The following ARID1B variants were observed in gnomAD, a reference collection of about 807,000 sequenced individuals.
ARID1B encodes AT-rich interactive domain-containing protein 1B.
ARID1B carries 30 observed loss-of-function variants against 212.3 expected under a neutral mutation model. The ratio of observed to expected loss-of-function variants is 0.14; its 90% CI spans 0.11 to 0.19. ARID1B has a LOEUF of 0.19. ARID1B is among the 10% of genes least tolerant of loss of function. The probability of loss-of-function intolerance (pLI) is 1.00; values close to 1 mark genes in which losing one functional copy is unlikely to be tolerated. For missense variants in ARID1B, 2,891 were observed against 3,204.0 expected, an observed-to-expected ratio of 0.90 and a Z score of 2.36; for synonymous variants, 1,402 against 1,301.7, an observed-to-expected ratio of 1.08 and a Z score of -1.66.
chr6:157,056,454 C>A (rs1782960025), intron 4 of ARID1B, among the ~76,000 whole-genome samples: 1 of 152,178 alleles, frequency 6.6e-6, no homozygotes, highest in South Asian at 2.1e-4. Context: ...GCTTCTGAAC[C>A]TTTGCCATAG....
At chr6:157,057,750 A>G (rs1273333289) in intron 4 of ARID1B, among the ~76,000 whole-genome samples, 2 of 152,204 alleles carry the variant, frequency 1.3e-5, no homozygotes, top group Non-Finnish European at 2.9e-5. Flanking sequence ...AGCAAGTCTC[A>G]TTATTTTTGA....
At chr6:157,030,621 GCTGA>G (rs1320298360) in intron 4 of ARID1B, among the ~76,000 whole-genome samples, 1 of 152,218 alleles carries the variant, frequency 6.6e-6, no homozygotes, top group Admixed American at 6.5e-5. Context: ...TGACCACAGT[GCTGA>G]CTGACTTTGT....
intron 4 of ARID1B, among the ~76,000 whole-genome samples, chr6:156,947,206 T>C (rs12665190): frequency 0.046 from 6,949 of 152,234 alleles, 375 homozygotes; most frequent in East Asian, 0.25. Context: ...GTGCAGTAAA[T>C]TTCTATCCAA....
chr6:156,958,149 G>C (rs1794102894), intron 4 of ARID1B, among the ~76,000 whole-genome samples: 2 of 152,168 alleles, frequency 1.3e-5, no homozygotes, highest in African/African-American at 4.8e-5. Flanking sequence ...TCTACCATTT[G>C]TAGTCCAATC....
intron 5 of ARID1B, among the ~76,000 whole-genome samples, chr6:157,102,445 A>G (rs1786113827): frequency 6.6e-6 from 1 of 152,176 alleles, no homozygotes; most frequent in Non-Finnish European, 1.5e-5. Context: ...ATTCTTACAT[A>G]TAGATAGGAG....
chr6:157,193,645 C>T (rs141200513), intron 15 of ARID1B: 2 of 152,250 alleles, frequency 1.3e-5, no homozygotes, highest in Admixed American at 6.5e-5. Flanking sequence ...GCTGCAGCCT[C>T]CTCCATGGGG....
intron 9 of ARID1B, chr6:157,168,940 T>A (rs1233627109): frequency 1.3e-5 from 2 of 152,236 alleles, no homozygotes; most frequent in Non-Finnish European, 2.9e-5. Context: ...TTATCCCACC[T>A]TGATTAAGTG....
Position 156,935,563 on chromosome 6 carries a change from C to A in ARID1B, c.2234C>A (p.Pro745Gln), listed in dbSNP as rs2128275194. Reference protein sequence around the residue: ...EDLNLIQQERPSSLPDLSGSI... With the variant: ...EDLNLIQQERQSSLPDLSGSI... Reference sequence around the variant, plus strand: ...TTGAACTTAATACAGCAAGAAAGACCATCAAGTTTACCAGTAAGACATTAT... The same window carrying A: ...TTGAACTTAATACAGCAAGAAAGACAATCAAGTTTACCAGTAAGACATTAT... Residue 745 changes from proline to glutamine, a missense_variant, in exon 4 of 20, where the codon CCA (proline) becomes CAA (glutamine). By Grantham distance (76) the Pro-to-Gln change is moderately conservative. Around this residue, in one of 7 missense-constraint regions of ARID1B, gnomAD observed 1,643 missense variants for 1,544.0 expected, o/e 1.06. Transcript: ENST00000636930. 6.2e-7 allele frequency: 1 copy of A among 1,610,296 alleles called. No homozygotes were observed. The highest frequency in any genetic ancestry group is 8.5e-7 in the Non-Finnish European group (1 of 1,176,706).
At chr6:156,810,930 A>G (rs1388032558) in intron 1 of ARID1B, among the ~76,000 whole-genome samples, 2 of 152,178 alleles carry the variant, frequency 1.3e-5, no homozygotes, top group African/African-American at 2.4e-5. Flanking sequence ...TCTGGAGGTT[A>G]GGAGTCCAGG....
intron 4 of ARID1B, among the ~76,000 whole-genome samples, chr6:156,987,115 C>G (rs1772907690): frequency 2.0e-5 from 3 of 150,604 alleles, no homozygotes; most frequent in African/African-American, 7.3e-5. Flanking sequence ...GAGGTCCAGG[C>G]TGCAGTGAGC....
chr6:156,911,847 A>G (rs1179449978), intron 3 of ARID1B, among the ~76,000 whole-genome samples: 1 of 152,228 alleles, frequency 6.6e-6, no homozygotes, highest in Admixed American at 6.5e-5. Context: ...ACGAGCAGGC[A>G]TAGAATCCAT....
chr6:156,947,601 T>C (rs1458657037), intron 4 of ARID1B, among the ~76,000 whole-genome samples: 1 of 151,270 alleles, frequency 6.6e-6, no homozygotes, highest in Non-Finnish European at 1.5e-5. Context: ...AATGGGACTT[T>C]AGAAAGATTA....
In ARID1B at chr6:157,084,924, A is replaced by C. The variant is rs1446861212; in HGVS notation, c.2491+19A>C. ...ATCCCAGGTATTTACTTTCCTGACA[A>C]TTATTATTTTACTTTGTGATAAAGA... On this transcript the variant is annotated intron_variant, in intron 5 of 19. Transcript: ENST00000636930. 6.3e-7 allele frequency: 1 copy of C among 1,587,764 alleles called. No individual in the cohort carries two copies. The highest frequency in any genetic ancestry group is 1.8e-5 in the Admixed American group (1 of 55,414).
At chr6:156,980,334 T>C (rs1287901584) in intron 4 of ARID1B, among the ~76,000 whole-genome samples, 3 of 151,876 alleles carry the variant, frequency 2.0e-5, no homozygotes, top group Admixed American at 2.0e-4. Context: ...AATACAAAAA[T>C]TAGCCGGGCG....
intron 4 of ARID1B, among the ~76,000 whole-genome samples, chr6:157,038,525 A>G (rs1021819907): frequency 1.3e-5 from 2 of 152,182 alleles, no homozygotes; most frequent in Admixed American, 6.5e-5. Context: ...AAATTAAATT[A>G]ATACTTTATA....
chr6:156,942,863 A>G (rs1792782374), intron 4 of ARID1B: 1 of 152,242 alleles, frequency 6.6e-6, no homozygotes, highest in South Asian at 2.1e-4. Context: ...TTAGGTGGGA[A>G]ATAGCTTTTA....
chr6:157,030,910 C>T (rs1226600961), intron 4 of ARID1B, among the ~76,000 whole-genome samples: 2 of 152,204 alleles, frequency 1.3e-5, no homozygotes, highest in African/African-American at 4.8e-5. Flanking sequence ...CACGAGGCTA[C>T]CGTGCGTGTT....
rs1466971204 is a variant in ARID1B at position 156,955,862 on chromosome 6, T to C, written c.2247+20286T>C. 1.3e-5 allele frequency among the ~76,000 whole-genome samples: 2 copies of C among 152,182 alleles called. No individual in the cohort carries two copies. Among genetic ancestry groups the C allele is most frequent in the Non-Finnish European group, 1.5e-5 (1 of 68,022 alleles). On this transcript the variant is annotated intron_variant, in intron 4 of 19. Coordinates refer to ENST00000636930, the MANE Select transcript of ARID1B (RefSeq NM_001374828.1). This position sits in a 1 kb window ranked among gnomAD's most constrained non-coding sequence, Gnocchi z 4.2. The stretch of plus-strand genomic sequence containing the variant: ...ATTTTAGGGAGGAGGGCTGTTGGTC[T>C]CAGAAACCCTATCCTGTTAGGAAGG...
In ARID1B at chr6:157,190,777, G is replaced by A. The variant is rs1793305080; in HGVS notation, c.4231+567G>A. Among the ~76,000 whole-genome samples the A allele has an allele frequency of 6.6e-6, 1 of 152,184 alleles. No homozygotes were observed. The highest frequency in any genetic ancestry group is 6.5e-5 in the Admixed American group (1 of 15,284). On this transcript the variant is annotated intron_variant, in intron 15 of 19. Transcript: ENST00000636930. The surrounding 1 kb of genome is among the most constrained non-coding windows in gnomAD (Gnocchi z 4.6). The stretch of plus-strand genomic sequence containing the variant: ...GCACAAATAAGCAGTTAAAGATTGT[G>A]GTTGGTGGAAGACAGGAAAGTGAAA...
Sources: allele counts gnomAD v4.1 joint callset (sites outside exome capture counted in the v4.1 genomes callset), GRCh38; gene constraint gnomAD v4.1.1; regional missense constraint gnomAD v4.1.1; non-coding constraint Gnocchi (gnomAD v3.1); transcripts MANE v1.5; gene names NCBI Gene and HGNC (gene_info 2026-07-23, HGNC 2026-07-21).